NAALADL2: variants seen among roughly 807,000 people sequenced by gnomAD.
The protein encoded by NAALADL2 is inactive N-acetylated-alpha-linked acidic dipeptidase-like protein 2.
Under a neutral mutation model 87.2 loss-of-function variants are expected in NAALADL2, and 76 were observed. That is an observed-to-expected ratio of 0.87 (90% CI 0.72 to 1.05). NAALADL2 has a LOEUF of 1.05. Among genes scored for constraint, NAALADL2 ranks in the 50% least tolerant of loss-of-function variants. NAALADL2 has a pLI of 0.00. For missense variants in NAALADL2, 1,089 were observed against 945.8 expected, an observed-to-expected ratio of 1.15 and a Z score of -1.99; for synonymous variants, 354 against 331.0, an observed-to-expected ratio of 1.07 and a Z score of -0.75.
intron 4 of NAALADL2, among the ~76,000 whole-genome samples, chr3:175,258,603 A>G (rs1001889076): frequency 6.6e-6 from 1 of 152,200 alleles, no homozygotes; most frequent in Non-Finnish European, 1.5e-5. Context: ...CCTATCACTC[A>G]TATCTGAGAT....
chr3:174,682,096 G>T (rs1250815606), intron 2 of NAALADL2, among the ~76,000 whole-genome samples: 1 of 152,186 alleles, frequency 6.6e-6, no homozygotes, highest in African/African-American at 2.4e-5. Context: ...ACAGCTCTGG[G>T]AGAGATGCCT....
At chr3:175,406,328 A>G (rs905989500) in intron 5 of NAALADL2, among the ~76,000 whole-genome samples, 1 of 152,218 alleles carries the variant, frequency 6.6e-6, no homozygotes, top group Admixed American at 6.5e-5. Context: ...ACCATTGGGT[A>G]GAGTATCCTT....
chr3:174,894,707 G>GA (rs979447313), intron 1 of NAALADL2, among the ~76,000 whole-genome samples: 2 of 139,078 alleles, frequency 1.4e-5, no homozygotes, highest in African/African-American at 2.7e-5. Flanking sequence ...GATATTTACA[G>GA]AACATTTCAT....
intron 1 of NAALADL2, among the ~76,000 whole-genome samples, chr3:174,932,463 T>C (rs1415815335): frequency 1.3e-5 from 2 of 152,180 alleles, no homozygotes; most frequent in African/African-American, 4.8e-5. Flanking sequence ...TAGGAACAAT[T>C]GGCTCCATAA....
chr3:175,677,772 T>C (rs959572187), intron 11 of NAALADL2, among the ~76,000 whole-genome samples: 2 of 152,198 alleles, frequency 1.3e-5, no homozygotes, highest in South Asian at 4.1e-4. Flanking sequence ...CTGTTCTTCA[T>C]AGGCAAAGTG....
chr3:174,441,234 G>A (rs1714585016), intron 1 of NAALADL2, among the ~76,000 whole-genome samples: 1 of 151,934 alleles, frequency 6.6e-6, no homozygotes, highest in Non-Finnish European at 1.5e-5. Flanking sequence ...GCGCCCGGCC[G>A]GCGGCGGGTT....
At chr3:174,535,920 A>T (rs2108452365) in intron 1 of NAALADL2, among the ~76,000 whole-genome samples, 1 of 152,212 alleles carries the variant, frequency 6.6e-6, no homozygotes, top group East Asian at 1.9e-4. Context: ...AACACTTAAC[A>T]TCTGATCAAA....
Position 175,280,508 on chromosome 3 carries a change from G to A in NAALADL2, c.939+23978G>A, listed in dbSNP as rs1581241304. On this transcript the variant is annotated intron_variant, in intron 4 of 13. Coordinates refer to ENST00000454872, the MANE Select transcript of NAALADL2 (RefSeq NM_207015.3). ...AAGAAATCCTATTGCACCCTGCTAG[G>A]ACATAATGAGAGAATAAGATTAGGC... Among the ~76,000 whole-genome samples, 3 of 152,184 alleles carry A rather than the reference G, an allele frequency of 2.0e-5. No individual in the cohort carries two copies. The South Asian group carries it at 6.2e-4, about 32-fold the overall frequency.
intron 12 of NAALADL2, among the ~76,000 whole-genome samples, chr3:175,753,783 C>T (rs1414199753): frequency 6.6e-6 from 1 of 152,094 alleles, no homozygotes; most frequent in Non-Finnish European, 1.5e-5. Context: ...TAGACAGAGT[C>T]CTTTTGTGAT....
Position 175,755,333 on chromosome 3 carries a change from C to A in NAALADL2, c.2104C>A (p.Pro702Thr). 6.2e-7 allele frequency: 1 copy of A among 1,613,334 alleles called. No individual in the cohort carries two copies. ...TGCTAATGATCCCAAGGAGAGAGCA[C>A]CCATCCGCATCCGGATGCTGAATGA... is the stretch of plus-strand genomic sequence containing the variant. ...RPANDPKERA[P>T]IRIRMLNDIL... Residue 702 changes from proline to threonine, a missense_variant, in exon 13 of 14, where the codon CCC becomes ACC. Physicochemically the swap from Pro to Thr is conservative, Grantham distance 38 (BLOSUM62 -1). Transcript: ENST00000454872.
intron 2 of NAALADL2, among the ~76,000 whole-genome samples, chr3:174,602,703 T>C (rs181512303): frequency 6.6e-6 from 1 of 152,142 alleles, no homozygotes; most frequent in East Asian, 1.9e-4. Context: ...CTTGTTGTAT[T>C]CCAGATCTTA....
chr3:174,799,929 G>A (rs1018886854), intron 3 of NAALADL2, among the ~76,000 whole-genome samples: 3 of 152,160 alleles, frequency 2.0e-5, no homozygotes, highest in African/African-American at 4.8e-5. Context: ...TCAGCAAAGA[G>A]ACTAGTGGCA....
chr3:175,414,744 G>A (rs1714262019), intron 5 of NAALADL2, among the ~76,000 whole-genome samples: 1 of 152,158 alleles, frequency 6.6e-6, no homozygotes, highest in South Asian at 2.1e-4. Flanking sequence ...AAACATGAAA[G>A]TGGTCTTGAT....
intron 9 of NAALADL2, among the ~76,000 whole-genome samples, chr3:175,495,115 T>C (rs6775357): frequency 0.11 from 16,416 of 148,676 alleles, 1,123 homozygotes; most frequent in African/African-American, 0.18. Flanking sequence ...TTTAGATTAT[T>C]TCTAGATCAT....
At chr3:175,349,771 C>G (rs1026953355) in intron 5 of NAALADL2, among the ~76,000 whole-genome samples, 1 of 152,112 alleles carries the variant, frequency 6.6e-6, no homozygotes, top group Admixed American at 6.6e-5. Flanking sequence ...CATATACCCC[C>G]GTTTTTAAAA....
At chr3:175,187,161 T>A (rs1737467958) in intron 2 of NAALADL2, among the ~76,000 whole-genome samples, 1 of 152,154 alleles carries the variant, frequency 6.6e-6, no homozygotes, top group African/African-American at 2.4e-5. Flanking sequence ...TTCATTCACT[T>A]ATTCATTAGT....
In NAALADL2 at chr3:174,879,485, A is replaced by AT. The variant is rs753886824; in HGVS notation, c.43+20041dup. ...CATACAGTTTTAAAATAATTTTATG[A>AT]TTTTTTCCTACGGAGGTAAATGCCT... On this transcript the variant is annotated intron_variant, in intron 1 of 13. Coordinates refer to ENST00000454872, the MANE Select transcript of NAALADL2 (RefSeq NM_207015.3). Among the ~76,000 whole-genome samples the AT allele has an allele frequency of 3.3e-5, 5 of 152,000 alleles. No homozygotes were observed. The South Asian group carries it at 8.3e-4, about 25-fold the overall frequency.
intron 1 of NAALADL2, among the ~76,000 whole-genome samples, chr3:174,960,740 T>A (rs1330392774): frequency 6.6e-6 from 1 of 152,194 alleles, no homozygotes; most frequent in Non-Finnish European, 1.5e-5. Flanking sequence ...CTTAATGGAT[T>A]TTCTGAAAAC....
intron 3 of NAALADL2, among the ~76,000 whole-genome samples, chr3:174,818,695 T>C (rs1302536055): frequency 6.6e-6 from 1 of 152,162 alleles, no homozygotes; most frequent in Non-Finnish European, 1.5e-5. Flanking sequence ...TAAGATTGAC[T>C]GTAAAAAGAT....
Sources: allele counts gnomAD v4.1 joint callset (sites outside exome capture counted in the v4.1 genomes callset), GRCh38; gene constraint gnomAD v4.1.1; transcripts MANE v1.5; gene names NCBI Gene and HGNC (gene_info 2026-07-23, HGNC 2026-07-21).